ERC2: variants seen among roughly 807,000 people sequenced by gnomAD.
The protein encoded by ERC2 is ELKS/RAB6-interacting/CAST family member 2, also known as ERC protein 2.
In ERC2, 42 loss-of-function variants were observed where a neutral mutation model predicts 114.8. That is an observed-to-expected ratio of 0.37 (90% CI 0.29 to 0.47). The LOEUF (loss-of-function observed/expected upper bound fraction) is 0.47, where lower values mean the gene tolerates loss of function less well. ERC2 is among the 20% of genes least tolerant of loss of function. The pLI is 0.99. For synonymous variants in ERC2, 454 were observed against 425.5 expected (o/e 1.07, Z -0.82); for missense variants, 939 against 1,150.7 (o/e 0.82, Z 2.66).
intron 12 of ERC2, among the ~76,000 whole-genome samples, chr3:55,961,217 C>T (rs2068338631): frequency 6.6e-6 from 1 of 152,258 alleles, no homozygotes; most frequent in Non-Finnish European, 1.5e-5. Context: ...CCAAGCTACA[C>T]TGGCCTTCCA....
intron 14 of ERC2, chr3:55,766,764 T>A (rs1172314436): frequency 6.6e-6 from 1 of 152,200 alleles, no homozygotes; most frequent in Non-Finnish European, 1.5e-5. Context: ...TGGACACAGC[T>A]CTAGGACTAT....
At chr3:55,842,543 A>G (rs1379850984) in intron 14 of ERC2, among the ~76,000 whole-genome samples, 3 of 152,150 alleles carry the variant, frequency 2.0e-5, no homozygotes, top group African/African-American at 7.2e-5. Context: ...TAGACTGATA[A>G]CTATTATTTC....
chr3:55,837,536 T>A (rs908899963), intron 14 of ERC2, among the ~76,000 whole-genome samples: 4 of 139,292 alleles, frequency 2.9e-5, no homozygotes, highest in African/African-American at 1.1e-4. Flanking sequence ...TTCTCACTCA[T>A]AGGTGGGAAA....
intron 6 of ERC2, among the ~76,000 whole-genome samples, chr3:56,091,743 T>C (rs1226875414): frequency 6.6e-6 from 1 of 152,192 alleles, no homozygotes; most frequent in Admixed American, 6.5e-5. Flanking sequence ...TCTTTTGCTA[T>C]AAGGTCTCTT....
At chr3:56,323,109 T>C (rs1029579867) in intron 2 of ERC2, among the ~76,000 whole-genome samples, 1 of 152,196 alleles carries the variant, frequency 6.6e-6, no homozygotes, top group Non-Finnish European at 1.5e-5. Context: ...CCAGGTAGGC[T>C]GACCAATCTT....
intron 5 of ERC2, 53 bp from the exon 6 acceptor site, chr3:56,139,729 T>A: frequency 6.6e-7 from 1 of 1,522,776 alleles, no homozygotes; most frequent in Non-Finnish European, 8.9e-7. Context: ...CCCCTACACT[T>A]TACATTGGAC....
intron 3 of ERC2, among the ~76,000 whole-genome samples, chr3:56,228,233 C>A (rs2050380941): frequency 6.6e-6 from 1 of 152,178 alleles, no homozygotes; most frequent in African/African-American, 2.4e-5. Flanking sequence ...ACCATCTCAA[C>A]CATTTTTCCC....
At chr3:55,660,165 G>A (rs2061061287) in intron 17 of ERC2, among the ~76,000 whole-genome samples, 1 of 152,092 alleles carries the variant, frequency 6.6e-6, no homozygotes, top group Non-Finnish European at 1.5e-5. Flanking sequence ...CTTTCCATTG[G>A]CTGAATTTGA....
chr3:55,584,012 C>CGGTAAGAA (rs1198671905), intron 17 of ERC2, among the ~76,000 whole-genome samples: 1 of 152,162 alleles, frequency 6.6e-6, no homozygotes, highest in Non-Finnish European at 1.5e-5. Flanking sequence ...TTTTCTTACA[C>CGGTAAGAA]ATAAAACGGT....
chr3:56,058,746 C>T (rs938737652), intron 7 of ERC2, among the ~76,000 whole-genome samples: 2 of 152,210 alleles, frequency 1.3e-5, no homozygotes, highest in African/African-American at 4.8e-5. Flanking sequence ...CAGCCTTGGA[C>T]TCAAACTGCA....
intron 17 of ERC2, among the ~76,000 whole-genome samples, chr3:55,593,854 T>C (rs529986827): frequency 3.9e-5 from 6 of 152,306 alleles, no homozygotes; most frequent in African/African-American, 1.4e-4. Context: ...GAGCCACCTC[T>C]TTCTCATTCC....
At chr3:55,702,805 G>A (rs1174374351) in intron 15 of ERC2, among the ~76,000 whole-genome samples, 1 of 152,170 alleles carries the variant, frequency 6.6e-6, no homozygotes, top group African/African-American at 2.4e-5. Context: ...TGAAAAGCCT[G>A]AAGCAGCAAA....
In ERC2 at chr3:56,104,425, G is replaced by T. The variant is rs1372298865; in HGVS notation, c.1474-23441C>A. On this transcript the variant is annotated intron_variant, in intron 6 of 17. Coordinates refer to ENST00000288221, the MANE Select transcript of ERC2 (RefSeq NM_015576.3). ...AAACCACTTGAGGCCAAACCCCAAA[G>T]ACCTATAAACATTTCACCTCTAATT... Among the ~76,000 whole-genome samples, 3 of 152,158 alleles carry T rather than the reference G, an allele frequency of 2.0e-5. No individual in the cohort carries two copies. The East Asian group carries it at 5.8e-4, about 29-fold the overall frequency.
At chr3:56,352,852 C>G (rs1220345732) in intron 2 of ERC2, among the ~76,000 whole-genome samples, 2 of 152,128 alleles carry the variant, frequency 1.3e-5, no homozygotes, top group Non-Finnish European at 2.9e-5. Flanking sequence ...ATTACCCTAC[C>G]CTCTTTGCCA....
intron 3 of ERC2, among the ~76,000 whole-genome samples, chr3:56,220,930 GTAT>G (rs1208398772): frequency 6.6e-6 from 1 of 152,118 alleles, no homozygotes; most frequent in African/African-American, 2.4e-5. Context: ...AGATGAATGT[GTAT>G]TATATCAATG....
At chr3:55,875,724 A>ACACACACACACTCTCT (rs1491351730) in intron 14 of ERC2, among the ~76,000 whole-genome samples, 112 of 141,098 alleles carry the variant, frequency 7.9e-4, no homozygotes, top group African/African-American at 2.9e-3. Context: ...ACACACACAC[A>ACACACACACACTCTCT]CTCTCTCTCT....
chr3:55,660,382 A>T (rs1006532537), intron 17 of ERC2, among the ~76,000 whole-genome samples: 3 of 152,136 alleles, frequency 2.0e-5, no homozygotes, highest in African/African-American at 7.2e-5. Flanking sequence ...ACAATCTTTG[A>T]CACAATCTAG....
At chr3:56,220,479 A>G (rs2049830921) in intron 3 of ERC2, among the ~76,000 whole-genome samples, 1 of 152,232 alleles carries the variant, frequency 6.6e-6, no homozygotes, top group Admixed American at 6.5e-5. Flanking sequence ...GGCAGCTCAC[A>G]GGATCATTGA....
intron 3 of ERC2, among the ~76,000 whole-genome samples, chr3:56,281,866 T>A (rs2054371577): frequency 6.6e-6 from 1 of 152,186 alleles, no homozygotes; most frequent in African/African-American, 2.4e-5. Flanking sequence ...CAAACATCAG[T>A]ACCCCAATAA....
Sources: allele counts gnomAD v4.1 joint callset (sites outside exome capture counted in the v4.1 genomes callset), GRCh38; gene constraint gnomAD v4.1.1; transcripts MANE v1.5; gene names NCBI Gene and HGNC (gene_info 2026-07-23, HGNC 2026-07-21).